Variants in UGGT1 observed in about 807,000 individuals in gnomAD.
The protein encoded by UGGT1 is UDP-glucose glycoprotein glucosyltransferase 1, also known as UDP-glucose:glycoprotein glucosyltransferase 1.
UGGT1 carries 107 observed loss-of-function variants against 203.9 expected under a neutral mutation model. The ratio of observed to expected loss-of-function variants is 0.52; its 90% confidence interval spans 0.45 to 0.62. The LOEUF (loss-of-function observed/expected upper bound fraction) is 0.62. Ranked by LOEUF, UGGT1 falls within the 20% of genes least tolerant of loss-of-function variation. The probability of loss-of-function intolerance (pLI) is 0.00; values close to 1 mark genes in which losing one functional copy is unlikely to be tolerated. For missense variants in UGGT1, 1,673 were observed against 1,867.2 expected, an observed-to-expected ratio of 0.90 and a Z score of 1.92; for synonymous variants, 628 against 653.5, an observed-to-expected ratio of 0.96 and a Z score of 0.59.
chr2:128,184,458 A>T (rs774905719), intron 38 of UGGT1, among the ~76,000 whole-genome samples: 1 of 152,204 alleles, frequency 6.6e-6, no homozygotes, highest in African/African-American at 2.4e-5. Flanking sequence ...TATGAAGCAA[A>T]TACCCAGATA....
At chr2:128,119,390 G>A (rs188315781) in intron 8 of UGGT1, among the ~76,000 whole-genome samples, 4 of 151,772 alleles carry the variant, frequency 2.6e-5, no homozygotes, top group South Asian at 4.2e-4. Context: ...AGGAGTTCAC[G>A]CCATTGCACT....
At chr2:128,111,920 G>C (rs1421517433) in intron 5 of UGGT1, among the ~76,000 whole-genome samples, 1 of 149,954 alleles carries the variant, frequency 6.7e-6, no homozygotes, top group African/African-American at 2.5e-5. Flanking sequence ...TGGGTGGATC[G>C]CTTGAGTCAG....
chr2:128,097,585 C>T, intron 2 of UGGT1, 21 bp downstream of exon 2: 1 of 1,612,692 alleles, frequency 6.2e-7, no homozygotes, highest in Non-Finnish European at 8.5e-7. Context: ...ATTTTTTTTC[C>T]CTTCGTGTAT....
chr2:128,147,994 A>G (rs537924976), intron 18 of UGGT1, among the ~76,000 whole-genome samples: 2 of 152,232 alleles, frequency 1.3e-5, no homozygotes, highest in African/African-American at 4.8e-5. Flanking sequence ...ACCAGGGTTT[A>G]TGTTGTTCTT....
rs754579040 is a variant in UGGT1, at chr2:128,152,875, A to G, written c.2108A>G (p.Glu703Gly). 4 of 1,613,954 alleles carry G rather than the reference A, an allele frequency of 2.5e-6. No homozygotes were observed. The highest frequency in any genetic ancestry group is 2.5e-6 in the Non-Finnish European group (3 of 1,180,012). ...ATCAATTCTAGGATTTTGACAGCTG[A>G]ACGAGACTACCTGGATTTAACAGCG... ...PRINSRILTAERDYLDLTASN... is the reference protein window; with the variant it reads ...PRINSRILTAGRDYLDLTASN... The change falls in exon 19 of 41, where the codon GAA becomes GGA. Residue 703 changes from glutamate (E) to glycine (G), a missense_variant. By Grantham distance (98) the Glu-to-Gly change is moderately conservative. Coordinates refer to ENST00000259253, the MANE Select transcript of UGGT1 (RefSeq NM_020120.4).
At chr2:128,128,946 A>ACT (rs1688745416) in intron 12 of UGGT1, 83 bp from the exon 13 acceptor site, 12 of 1,386,014 alleles carry the variant, frequency 8.7e-6, no homozygotes, top group Middle Eastern at 1.9e-4. Context: ...TTGAGGTTGA[A>ACT]CTGATACATT....
Position 128,143,098 on chromosome 2 carries a change from A to C in UGGT1, c.1724A>C (p.Tyr575Ser). 1 of 1,602,090 alleles carries C rather than the reference A, an allele frequency of 6.2e-7. No homozygotes were observed. Among genetic ancestry groups the C allele is most frequent in the Non-Finnish European group, 8.5e-7 (1 of 1,174,650 alleles). Residue 575 changes from tyrosine to serine, a missense_variant, in exon 17 of 41, where the codon TAT becomes TCT. Coordinates refer to ENST00000259253, the MANE Select transcript of UGGT1 (RefSeq NM_020120.4). The stretch of plus-strand genomic sequence containing the variant: ...AACTGTTTTTTCTTTCTTCAGATCT[A>C]TAACAAGGTGAGGACTGGAGAAAAA... ...YHAFQTLTHI[Y>S]NKVRTGEKVK...
At chr2:128,121,900 T>TA (rs1013701405) in intron 10 of UGGT1, among the ~76,000 whole-genome samples, 7 of 152,222 alleles carry the variant, frequency 4.6e-5, no homozygotes, top group Non-Finnish European at 7.3e-5. Context: ...AGAATTAAAA[T>TA]ACCTGCCTTT....
At chr2:128,187,750 A>C in intron 40 of UGGT1, 136 bp downstream of exon 40, 1 of 984,186 alleles carries the variant, frequency 1.0e-6, no homozygotes, top group Non-Finnish European at 1.4e-6. Flanking sequence ...ATCAACCAGT[A>C]TATATTTTTC....
chr2:128,172,527 T>A, intron 28 of UGGT1, 46 bp from the exon 29 acceptor site: 1 of 1,599,134 alleles, frequency 6.3e-7, no homozygotes, highest in Non-Finnish European at 8.6e-7. Context: ...ACTCAAGTCC[T>A]GTTGTCACAT....
intron 34 of UGGT1, among the ~76,000 whole-genome samples, chr2:128,179,433 G>A (rs922344980): frequency 1.2e-4 from 19 of 152,294 alleles, no homozygotes; most frequent in Middle Eastern, 3.4e-3. Context: ...TGTGACAGGA[G>A]TTTTGGGGAG....
intron 27 of UGGT1, 100 bp from the exon 28 acceptor site, chr2:128,171,105 A>G (rs1268893660): frequency 1.8e-6 from 2 of 1,098,320 alleles, no homozygotes; most frequent in Non-Finnish European, 1.3e-6. Context: ...TGTGGCTGTT[A>G]TCTTTATATC....
chr2:128,111,227 C>T (rs927394538), intron 5 of UGGT1, among the ~76,000 whole-genome samples: 6 of 152,038 alleles, frequency 3.9e-5, no homozygotes, highest in African/African-American at 1.2e-4. Context: ...ACCACGCACA[C>T]GCCTTTGGTC....
intron 13 of UGGT1, among the ~76,000 whole-genome samples, chr2:128,130,405 T>A (rs1480134218): frequency 6.6e-6 from 1 of 152,164 alleles, no homozygotes; most frequent in Non-Finnish European, 1.5e-5. Context: ...TTAAGAGAAA[T>A]AATGTAGAAT....
In UGGT1 at chr2:128,176,836, CCT is replaced by C. The variant is rs781702565; in HGVS notation, c.3563_3564del (p.Pro1188ArgfsTer3). 1 of 1,614,084 alleles carries C rather than the reference CCT, an allele frequency of 6.2e-7. No homozygotes were observed. Among genetic ancestry groups the C allele is most frequent in the Non-Finnish European group, 8.5e-7 (1 of 1,179,994 alleles). Reference sequence around the variant, plus strand: ...AAGCCACGATGGCACTGATTCTCCCCCTGATGCTGATGAGGTGGTTATCGTCC... The same window carrying C: ...AAGCCACGATGGCACTGATTCTCCCCGATGCTGATGAGGTGGTTATCGTCC... ...IYSHDGTDSP[P>X]DADEVVIVLN... On this transcript the variant is annotated frameshift_variant, in exon 32 of 41. Transcript: ENST00000259253. LOFTEE classifies it high-confidence loss of function.
Position 128,123,231 on chromosome 2 carries a change from G to A in UGGT1, c.1119G>A (p.Val373=), listed in dbSNP as rs1473768546. The change falls in exon 11 of 41, where the codon GTG becomes GTA. Residue 373 remains valine, a synonymous_variant. Coordinates refer to ENST00000259253, the MANE Select transcript of UGGT1 (RefSeq NM_020120.4). ...TGAGCTCAGAACTTAGAACCGAAGT[G>A]GAAGAGAATCAGAAGGTATTCACCG... The part of the protein sequence containing the change: ...TAVSSELRTE[V]EENQKYFKGT... 1 of 1,613,292 alleles carries A rather than the reference G, an allele frequency of 6.2e-7. No individual in the cohort carries two copies. The highest frequency in any genetic ancestry group is 8.5e-7 in the Non-Finnish European group (1 of 1,179,582).
chr2:128,132,116 T>A (rs1177290967), intron 13 of UGGT1, among the ~76,000 whole-genome samples: 2 of 152,210 alleles, frequency 1.3e-5, no homozygotes, highest in Non-Finnish European at 2.9e-5. Context: ...ATTGAGGTCT[T>A]AGCTCATAGT....
intron 1 of UGGT1, among the ~76,000 whole-genome samples, chr2:128,093,888 G>A (rs146658856): frequency 6.0e-4 from 92 of 152,320 alleles, no homozygotes; most frequent in African/African-American, 2.1e-3. Context: ...TTTGGTAAAC[G>A]AAGTAGACAT....
intron 30 of UGGT1, 114 bp from the exon 31 acceptor site, chr2:128,174,659 C>A: frequency 1.1e-6 from 1 of 904,646 alleles, no homozygotes; most frequent in Non-Finnish European, 1.7e-6. Flanking sequence ...GATTTGTTTA[C>A]TGTGTTATTC....
Sources: allele counts gnomAD v4.1 joint callset (sites outside exome capture counted in the v4.1 genomes callset), GRCh38; gene constraint gnomAD v4.1.1; transcripts MANE v1.5; gene names NCBI Gene and HGNC (gene_info 2026-07-23, HGNC 2026-07-21).